MTHFD1L: variants seen among roughly 807,000 people sequenced by gnomAD.
MTHFD1L encodes methylenetetrahydrofolate dehydrogenase (NADP+ dependent) 1 like.
A neutral mutation model predicts 119.5 loss-of-function variants in MTHFD1L; 81 were observed. That is an observed-to-expected ratio of 0.68 (90% CI 0.57 to 0.82). The LOEUF (loss-of-function observed/expected upper bound fraction) is 0.82. Ranked by LOEUF, MTHFD1L falls within the 40% of genes least tolerant of loss-of-function variation. The pLI, the probability that MTHFD1L is intolerant of heterozygous loss-of-function variation, is 0.00. For synonymous variants in MTHFD1L, 430 were observed against 475.2 expected (o/e 0.90, Z 1.24); for missense variants, 1,125 against 1,253.4 (o/e 0.90, Z 1.55).
intron 19 of MTHFD1L, among the ~76,000 whole-genome samples, chr6:150,966,057 C>T (rs569530343): frequency 6.6e-6 from 1 of 152,302 alleles, no homozygotes; most frequent in Non-Finnish European, 1.5e-5. Flanking sequence ...AGAGGGTTAC[C>T]TTTAGTGCAG....
chr6:151,019,569 C>G (rs1783658170), intron 24 of MTHFD1L, among the ~76,000 whole-genome samples: 1 of 152,204 alleles, frequency 6.6e-6, no homozygotes, highest in Admixed American at 6.5e-5. Context: ...TAGGCGACCT[C>G]AAGGCCAGGA....
chr6:150,934,889 G>A (rs567077189), intron 11 of MTHFD1L: 5 of 1,498,626 alleles, frequency 3.3e-6, no homozygotes, highest in Non-Finnish European at 4.5e-6. Flanking sequence ...CAGTCTTATA[G>A]CTGGATCAGC....
At chr6:150,888,992 T>C (rs1782766043) in intron 7 of MTHFD1L, among the ~76,000 whole-genome samples, 1 of 152,022 alleles carries the variant, frequency 6.6e-6, no homozygotes, top group Non-Finnish European at 1.5e-5. Context: ...CTGGCCAATA[T>C]GGTGAAACAC....
chr6:151,016,790 TGAGACAGAGCC>T, intron 24 of MTHFD1L: 1 of 265,748 alleles, frequency 3.8e-6, no homozygotes. Context: ...TTTTTTTTTT[TGAGACAGAGCC>T]TTGCTCTGTT....
intron 20 of MTHFD1L, among the ~76,000 whole-genome samples, chr6:151,009,037 G>A (rs1010426966): frequency 4.0e-5 from 6 of 149,882 alleles, no homozygotes; most frequent in African/African-American, 7.4e-5. Context: ...CAGGAGAATC[G>A]CTTGAACCCG....
At chr6:151,013,671 A>T in intron 21 of MTHFD1L, 108 bp from the exon 22 acceptor site, 1 of 1,018,450 alleles carries the variant, frequency 9.8e-7, no homozygotes, top group Non-Finnish European at 1.5e-6. Context: ...CACAAAACAT[A>T]GAGGTACATT....
rs7772772 is a variant in MTHFD1L at position 150,943,280 on chromosome 6, A to T, written c.1441-1206A>T. Among the ~76,000 whole-genome samples, 1,296 of 152,084 alleles carry T rather than the reference A, an allele frequency of 8.5e-3. 24 individuals are homozygous for T. Among genetic ancestry groups the T allele is most frequent in the African/African-American group, 0.03 (1,236 of 41,440 alleles). On this transcript the variant is annotated intron_variant, in intron 13 of 27. Coordinates refer to ENST00000367321, the MANE Select transcript of MTHFD1L (RefSeq NM_015440.5). ...AAAGAGCGAAACTCCGTCTCAAAAA[A>T]AAATAAATAAAATAAAAATACTTCA...
At chr6:150,979,977 TA>T (rs879342004) in intron 20 of MTHFD1L, among the ~76,000 whole-genome samples, 531 of 145,306 alleles carry the variant, frequency 3.7e-3, no homozygotes, top group African/African-American at 5.0e-3. Context: ...CATCCACCTT[TA>T]AAAAAAAAAA....
intron 17 of MTHFD1L, among the ~76,000 whole-genome samples, chr6:150,958,398 A>G (rs1795950046): frequency 6.6e-6 from 1 of 152,156 alleles, no homozygotes; most frequent in African/African-American, 2.4e-5. Flanking sequence ...GTATACACAT[A>G]TATTTGTGTG....
chr6:150,920,649 C>T (rs1788737086), intron 9 of MTHFD1L, among the ~76,000 whole-genome samples: 1 of 152,178 alleles, frequency 6.6e-6, no homozygotes, highest in Admixed American at 6.5e-5. Flanking sequence ...GCTGGGCATC[C>T]AAGCTGATCA....
At chr6:150,973,473 C>T (rs536370916) in intron 20 of MTHFD1L, among the ~76,000 whole-genome samples, 58 of 152,182 alleles carry the variant, frequency 3.8e-4, no homozygotes, top group Non-Finnish European at 5.6e-4. Flanking sequence ...AGCTAATGGA[C>T]GAGGAGGCTG....
chr6:150,866,557 G>C, intron 1 of MTHFD1L: 1 of 1,239,208 alleles, frequency 8.1e-7, no homozygotes, highest in African/African-American at 1.6e-5. Flanking sequence ...CCCTGGTGTT[G>C]TGCGCCCTTC....
chr6:150,955,944 A>G (rs1265610770), intron 16 of MTHFD1L, 51 bp from the exon 17 acceptor site: 2 of 1,463,156 alleles, frequency 1.4e-6, no homozygotes, highest in East Asian at 2.3e-5. Flanking sequence ...GACACACACC[A>G]GGTGGCTGGT....
chr6:151,091,119 G>A (rs1006633021), intron 26 of MTHFD1L, among the ~76,000 whole-genome samples: 8 of 146,732 alleles, frequency 5.5e-5, no homozygotes, highest in Non-Finnish European at 1.2e-4. Flanking sequence ...GTACAGCATC[G>A]TTCTATGTGA....
At chr6:150,993,734 T>C (rs765147844) in intron 20 of MTHFD1L, among the ~76,000 whole-genome samples, 1 of 152,140 alleles carries the variant, frequency 6.6e-6, no homozygotes, top group Non-Finnish European at 1.5e-5. Flanking sequence ...TAACTCAGTG[T>C]CTGGAGCTTA....
intron 24 of MTHFD1L, among the ~76,000 whole-genome samples, chr6:151,017,758 A>G (rs1176120424): frequency 6.6e-6 from 1 of 151,678 alleles, no homozygotes; most frequent in African/African-American, 2.4e-5. Flanking sequence ...AGCTATTGTA[A>G]GTAATGCTGT....
chr6:150,949,211 A>G, intron 16 of MTHFD1L, 78 bp downstream of exon 16: 1 of 1,156,278 alleles, frequency 8.6e-7, no homozygotes, highest in Middle Eastern at 1.9e-4. Flanking sequence ...AAATTCAGAA[A>G]CTTACAGTTT....
chr6:150,900,508 G>A (rs1341676942), intron 7 of MTHFD1L, among the ~76,000 whole-genome samples: 5 of 152,034 alleles, frequency 3.3e-5, no homozygotes, highest in East Asian at 3.8e-4. Context: ...TGTGTGTCCC[G>A]ACCCGCATCC....
chr6:150,866,282 C>G (rs1289492031), intron 1 of MTHFD1L: 1 of 1,465,478 alleles, frequency 6.8e-7, no homozygotes, highest in African/African-American at 1.5e-5. Context: ...CGCAGGTGGG[C>G]GTGGGCATCT....
Sources: allele counts gnomAD v4.1 joint callset (sites outside exome capture counted in the v4.1 genomes callset), GRCh38; gene constraint gnomAD v4.1.1; transcripts MANE v1.5; gene names NCBI Gene and HGNC (gene_info 2026-07-23, HGNC 2026-07-21).